Variants in ARHGAP24 observed in about 807,000 individuals in gnomAD.
ARHGAP24 encodes the protein rho GTPase-activating protein 24.
In ARHGAP24, 50 loss-of-function variants were observed where a neutral mutation model predicts 76.4. That is an observed-to-expected ratio of 0.65 (90% CI 0.52 to 0.83). The LOEUF is 0.83. Among genes scored for constraint, ARHGAP24 ranks in the 40% least tolerant of loss-of-function variants. The pLI, the probability that ARHGAP24 is intolerant of heterozygous loss-of-function variation, is 0.00. For missense variants in ARHGAP24, 930 were observed against 914.2 expected, an observed-to-expected ratio of 1.02 and a Z score of -0.22; for synonymous variants, 345 against 323.3, an observed-to-expected ratio of 1.07 and a Z score of -0.72.
At chr4:85,809,311 A>C (rs1038257319) in intron 3 of ARHGAP24, among the ~76,000 whole-genome samples, 1 of 152,184 alleles carries the variant, frequency 6.6e-6, no homozygotes, top group African/African-American at 2.4e-5. Flanking sequence ...ATTTAAATAG[A>C]TGGAGAATAA....
chr4:85,785,796 T>G (rs1299113267), intron 3 of ARHGAP24, among the ~76,000 whole-genome samples: 1 of 152,140 alleles, frequency 6.6e-6, no homozygotes, highest in Non-Finnish European at 1.5e-5. Context: ...ACTAAGGGTC[T>G]TCAGACATGT....
intron 3 of ARHGAP24, among the ~76,000 whole-genome samples, chr4:85,799,193 G>GT (rs1728482972): frequency 6.6e-6 from 1 of 152,058 alleles, no homozygotes; most frequent in Admixed American, 6.5e-5. Context: ...CCAGATTTTG[G>GT]TTTCTAAACA....
At chr4:85,806,291 G>A (rs1019394411) in intron 3 of ARHGAP24, among the ~76,000 whole-genome samples, 1 of 152,134 alleles carries the variant, frequency 6.6e-6, no homozygotes, top group Non-Finnish European at 1.5e-5. Context: ...TCTAAGGGGA[G>A]GTACATCTAG....
chr4:85,482,939 A>G (rs1331640635), intron 1 of ARHGAP24, among the ~76,000 whole-genome samples: 1 of 152,186 alleles, frequency 6.6e-6, no homozygotes, highest in Non-Finnish European at 1.5e-5. Context: ...ATGCTCTGGA[A>G]TTAGACCTAC....
At chr4:85,711,435 C>G (rs1724523655) in intron 2 of ARHGAP24, among the ~76,000 whole-genome samples, 1 of 152,080 alleles carries the variant, frequency 6.6e-6, no homozygotes, top group Non-Finnish European at 1.5e-5. Flanking sequence ...GTTGTTTTCT[C>G]TGCATATTAC....
chr4:85,568,318 AG>A (rs552137817), intron 1 of ARHGAP24, among the ~76,000 whole-genome samples: 57 of 88,640 alleles, frequency 6.4e-4, no homozygotes, highest in South Asian at 1.9e-3. Context: ...TGCGGGGGGG[AG>A]GGGGGCGTGT....
chr4:85,580,669 G>A (rs1727571340), intron 2 of ARHGAP24, among the ~76,000 whole-genome samples: 1 of 152,126 alleles, frequency 6.6e-6, no homozygotes, highest in Admixed American at 6.6e-5. Flanking sequence ...ACAAACTGAG[G>A]CAAGAACTCC....
intron 2 of ARHGAP24, among the ~76,000 whole-genome samples, chr4:85,705,734 A>G (rs977966668): frequency 2.6e-4 from 40 of 152,324 alleles, no homozygotes; most frequent in African/African-American, 9.1e-4. Flanking sequence ...AACAAGGAGT[A>G]AAGTTTATAT....
At chr4:85,772,566 G>T (rs1727170462) in intron 3 of ARHGAP24, among the ~76,000 whole-genome samples, 1 of 152,124 alleles carries the variant, frequency 6.6e-6, no homozygotes, top group Non-Finnish European at 1.5e-5. Flanking sequence ...TGGAACTAGG[G>T]TATCTGCCAA....
chr4:85,512,397 C>G (rs780791441), intron 1 of ARHGAP24, among the ~76,000 whole-genome samples: 11 of 152,180 alleles, frequency 7.2e-5, no homozygotes, highest in Non-Finnish European at 1.5e-4. Flanking sequence ...TAGTTAGACA[C>G]CCAAGCTTAG....
At chr4:85,710,422 CA>C (rs1724482970) in intron 2 of ARHGAP24, among the ~76,000 whole-genome samples, 1 of 152,034 alleles carries the variant, frequency 6.6e-6, no homozygotes, top group African/African-American at 2.4e-5. Flanking sequence ...TAGGAATAGG[CA>C]AATATTTCGT....
intron 5 of ARHGAP24, among the ~76,000 whole-genome samples, chr4:85,942,632 G>A (rs573931385): frequency 6.6e-6 from 1 of 152,182 alleles, no homozygotes; most frequent in East Asian, 1.9e-4. Context: ...AGTATTATGA[G>A]TAGAGATTGA....
At chr4:85,758,821 A>G (rs1178188755) in intron 3 of ARHGAP24, among the ~76,000 whole-genome samples, 1 of 152,190 alleles carries the variant, frequency 6.6e-6, no homozygotes, top group East Asian at 1.9e-4. Context: ...GGAAGAGGAG[A>G]ATATTAAGAA....
At chr4:85,991,455 C>T (rs1740315145) in intron 8 of ARHGAP24, 1 of 152,132 alleles carries the variant, frequency 6.6e-6, no homozygotes, top group African/African-American at 2.4e-5. Flanking sequence ...TGGAAACAGA[C>T]CAATTCTCCA....
chr4:85,620,079 A>T (rs944734530), intron 2 of ARHGAP24, among the ~76,000 whole-genome samples: 4 of 151,814 alleles, frequency 2.6e-5, no homozygotes, highest in Admixed American at 2.0e-4. Context: ...TTTGTTGTGA[A>T]TTTTTGCATC....
chr4:85,745,923 A>G (rs2110063563), intron 3 of ARHGAP24, among the ~76,000 whole-genome samples: 1 of 152,326 alleles, frequency 6.6e-6, no homozygotes, highest in South Asian at 2.1e-4. Context: ...TCCAAAACCC[A>G]GTGCCTTCCC....
rs1720730233 is a variant in ARHGAP24, at chr4:85,621,884, T to A, written c.180+51163T>A. On this transcript the variant is annotated intron_variant, in intron 2 of 9. Transcript: ENST00000395184. The stretch of plus-strand genomic sequence containing the variant: ...TTTTTCCTACGAATTCTTTAAGGAT[T>A]CTTATAATTTTAGGTCTTACATTTT... Among the ~76,000 whole-genome samples the A allele has an allele frequency of 2.0e-5, 3 of 152,198 alleles. No individual in the cohort carries two copies. The South Asian group carries it at 6.2e-4, about 32-fold the overall frequency.
At chr4:85,733,670 G>A (rs917705060) in intron 3 of ARHGAP24, among the ~76,000 whole-genome samples, 2 of 152,112 alleles carry the variant, frequency 1.3e-5, no homozygotes, top group Non-Finnish European at 2.9e-5. Context: ...AGCTGGGTTG[G>A]TTTCTTCTGA....
chr4:85,656,444 A>G (rs550580203), intron 2 of ARHGAP24, among the ~76,000 whole-genome samples: 1 of 152,232 alleles, frequency 6.6e-6, no homozygotes, highest in African/African-American at 2.4e-5. Context: ...AGTGTATCTT[A>G]TATGAGTGAT....
Sources: allele counts gnomAD v4.1 joint callset (sites outside exome capture counted in the v4.1 genomes callset), GRCh38; gene constraint gnomAD v4.1.1; transcripts MANE v1.5; gene names NCBI Gene and HGNC (gene_info 2026-07-23, HGNC 2026-07-21).